MAP6: variants seen among roughly 807,000 people sequenced by gnomAD.
MAP6 encodes microtubule associated protein 6, also known as microtubule-associated protein 6.
MAP6 carries 26 observed loss-of-function variants against 42.4 expected under a neutral mutation model. The observed-to-expected ratio is 0.61, with a 90% CI of 0.45 to 0.85. MAP6 has a LOEUF of 0.85. Ranked by LOEUF, MAP6 falls within the 40% of genes least tolerant of loss-of-function variation. The pLI is 0.00. For synonymous variants in MAP6, 418 were observed against 443.8 expected (o/e 0.94, Z 0.73); for missense variants, 966 against 1,099.0 (o/e 0.88, Z 1.71).
At chr11:75,660,133 A>G (rs1442330183) in intron 1 of MAP6, among the ~76,000 whole-genome samples, 1 of 151,928 alleles carries the variant, frequency 6.6e-6, no homozygotes, top group Admixed American at 6.5e-5. Flanking sequence ...TCCTCCTTCA[A>G]CTTTTTCATG....
chr11:75,653,880 CAGGGACAA>C, intron 1 of MAP6, among the ~76,000 whole-genome samples: 1 of 152,170 alleles, frequency 6.6e-6, no homozygotes, highest in South Asian at 2.1e-4. Context: ...CTCAACCCAC[CAGGGACAA>C]TGATGATGAG....
At chr11:75,619,154 A>C in intron 1 of MAP6, among the ~76,000 whole-genome samples, 1 of 152,144 alleles carries the variant, frequency 6.6e-6, no homozygotes, top group East Asian at 1.9e-4. Context: ...TGAGGCATGC[A>C]TGTTAGTGTG....
At chr11:75,655,449 G>A (rs572855397) in intron 1 of MAP6, among the ~76,000 whole-genome samples, 8 of 152,284 alleles carry the variant, frequency 5.3e-5, no homozygotes, top group African/African-American at 1.4e-4. Flanking sequence ...TGATTTTAAC[G>A]TGCAGCCAGG....
chr11:75,616,045 C>T (rs1348022779), intron 1 of MAP6, among the ~76,000 whole-genome samples: 1 of 152,062 alleles, frequency 6.6e-6, no homozygotes, highest in Admixed American at 6.6e-5. Context: ...ATTTGAAAAA[C>T]GCTGACATTT....
At chr11:75,652,719 A>G (rs1319829917) in intron 1 of MAP6, among the ~76,000 whole-genome samples, 1 of 151,872 alleles carries the variant, frequency 6.6e-6, no homozygotes, top group African/African-American at 2.4e-5. Context: ...CGTGCCTGTA[A>G]TCCCAGCTAC....
intron 1 of MAP6, among the ~76,000 whole-genome samples, chr11:75,629,116 T>C (rs1943243497): frequency 6.6e-6 from 1 of 152,176 alleles, no homozygotes; most frequent in African/African-American, 2.4e-5. Context: ...TGAGACAAAG[T>C]CTTGCTCTTT....
At chr11:75,625,885 C>T (rs75023921) in intron 1 of MAP6, among the ~76,000 whole-genome samples, 1 of 152,188 alleles carries the variant, frequency 6.6e-6, no homozygotes, top group Non-Finnish European at 1.5e-5. Flanking sequence ...GGCCAGACTC[C>T]CCAGCCAGAC....
chr11:75,662,353 T>C (rs1169179267), intron 1 of MAP6, among the ~76,000 whole-genome samples: 1 of 152,220 alleles, frequency 6.6e-6, no homozygotes, highest in Non-Finnish European at 1.5e-5. Context: ...TGTATATATA[T>C]GAGTATATAT....
intron 3 of MAP6, chr11:75,605,544 G>A (rs1232878751): frequency 1.6e-6 from 2 of 1,264,224 alleles, no homozygotes; most frequent in Middle Eastern, 3.2e-4. Flanking sequence ...TGCAGTCAGA[G>A]TGCCAGGGGA....
chr11:75,658,665 T>C (rs1305471398), intron 1 of MAP6, among the ~76,000 whole-genome samples: 1 of 152,220 alleles, frequency 6.6e-6, no homozygotes, highest in Non-Finnish European at 1.5e-5. Context: ...GATTCTCCTG[T>C]TGCTTATAAG....
chr11:75,646,259 T>G (rs188494504), intron 1 of MAP6, among the ~76,000 whole-genome samples: 1 of 152,074 alleles, frequency 6.6e-6, no homozygotes, highest in African/African-American at 2.4e-5. Flanking sequence ...GAAAACATTA[T>G]TGTCTTTCTA....
rs1943997972 is a variant in MAP6, at chr11:75,668,178, C to A, written c.192G>T (p.Ala64=). Residue 64 remains alanine (A), a synonymous_variant, in exon 1 of 4, where the codon GCG becomes GCT. Coordinates refer to ENST00000304771, the MANE Select transcript of MAP6 (RefSeq NM_033063.2). ...QPALAPPSAR[A]VAIETQPAQG... ...GGGCTGGCTGCGTCTCTATGGCAAC[C>A]GCGCGCGCCGAGGGGGGCGCGAGCG... 1 of 1,233,474 alleles carries A rather than the reference C, an allele frequency of 8.1e-7. No individual in the cohort carries two copies. The highest frequency in any genetic ancestry group is 1.0e-6 in the Non-Finnish European group (1 of 995,022). 76.4% of individuals were successfully genotyped at this position (1,233,474 alleles called of 1,614,324 possible).
chr11:75,606,311 AG>A (rs1942774287), intron 2 of MAP6, among the ~76,000 whole-genome samples: 1 of 152,186 alleles, frequency 6.6e-6, no homozygotes, highest in Non-Finnish European at 1.5e-5. Flanking sequence ...CCCTCCCTGT[AG>A]GAAGTTAACA....
At chr11:75,640,230 C>A (rs1943442076) in intron 1 of MAP6, among the ~76,000 whole-genome samples, 1 of 150,678 alleles carries the variant, frequency 6.6e-6, no homozygotes, top group African/African-American at 2.4e-5. Flanking sequence ...CACACACTCT[C>A]TCACACGTCT....
rs35877922 is a variant in MAP6 at position 75,662,962 on chromosome 11, C to CT, written c.905+4502dup. ...TAGTGCTAACCTGGTAGGATTTGTA[C>CT]TTTTTTTTTTTTTTTTTGAGATGGA... On this transcript the variant is annotated intron_variant, in intron 1 of 3. Coordinates refer to ENST00000304771, the MANE Select transcript of MAP6 (RefSeq NM_033063.2). 1.5e-3 allele frequency among the ~76,000 whole-genome samples: 195 copies of CT among 133,110 alleles called. 1 individual carries two copies. Among genetic ancestry groups the CT allele is most frequent in the South Asian group, 4.6e-3 (19 of 4,150 alleles). The allele number at this position is 133,110 out of a possible 152,430, so 87.3% of individuals were successfully genotyped here.
intron 1 of MAP6, among the ~76,000 whole-genome samples, chr11:75,653,333 C>G (rs1943681767): frequency 6.6e-6 from 1 of 152,170 alleles, no homozygotes; most frequent in Non-Finnish European, 1.5e-5. Flanking sequence ...CGGGAGGAGT[C>G]CTTGGGGCCC....
At chr11:75,588,454 A>G (rs531865711) in intron 3 of MAP6, among the ~76,000 whole-genome samples, 1 of 152,254 alleles carries the variant, frequency 6.6e-6, no homozygotes, top group African/African-American at 2.4e-5. Context: ...CACGCTGGTG[A>G]CAATGGCAGT....
Position 75,587,116 on chromosome 11 carries a change from T to C in MAP6, c.2385A>G (p.Leu795=), listed in dbSNP as rs755950208. The change falls in exon 4 of 4, where the codon CTA becomes CTG. Residue 795 remains leucine, a synonymous_variant. Transcript: ENST00000304771. ...GGGCAGTTGGGATCATGACTCGGGG[T>C]AGAGGTGAGACAGTAGGTAGCTGAG... ...RDPQLPTVSP[L]PRVMIPTAPH... 2 of 1,611,940 alleles carry C rather than the reference T, an allele frequency of 1.2e-6. No individual in the cohort carries two copies. The highest frequency in any genetic ancestry group is 4.5e-5 in the East Asian group (2 of 44,806).
intron 1 of MAP6, among the ~76,000 whole-genome samples, chr11:75,620,982 T>G (rs1431066974): frequency 6.6e-6 from 1 of 151,852 alleles, no homozygotes; most frequent in Non-Finnish European, 1.5e-5. Context: ...ATACAAAAAA[T>G]TAGCCGGGCG....
Sources: allele counts gnomAD v4.1 joint callset (sites outside exome capture counted in the v4.1 genomes callset), GRCh38; gene constraint gnomAD v4.1.1; transcripts MANE v1.5; gene names NCBI Gene and HGNC (gene_info 2026-07-23, HGNC 2026-07-21).